Variants in HSD17B12 observed in about 807,000 individuals in gnomAD.
HSD17B12 encodes the protein very-long-chain 3-oxoacyl-CoA reductase.
HSD17B12 carries 32 observed loss-of-function variants against 39.3 expected under a neutral mutation model. The observed-to-expected ratio is 0.81, with a 90% CI of 0.61 to 1.09. HSD17B12 has a LOEUF of 1.09. Among genes scored for constraint, HSD17B12 ranks in the 50% least tolerant of loss-of-function variants. The pLI, the probability that HSD17B12 is intolerant of heterozygous loss-of-function variation, is 0.00. For missense variants in HSD17B12, 342 were observed against 382.9 expected (o/e 0.89, Z 0.89); for synonymous variants, 150 against 146.7 (o/e 1.02, Z -0.16).
At chr11:43,638,432 A>C in the HSD17B12 span, among the ~76,000 whole-genome samples, 1 of 149,092 alleles carries the variant, frequency 6.7e-6, no homozygotes, top group East Asian at 1.9e-4. Context: ...TAATTAAAAG[A>C]GGAAGGGAAA....
the HSD17B12 span, among the ~76,000 whole-genome samples, chr11:43,585,465 A>T: frequency 7.2e-5 from 11 of 152,236 alleles, no homozygotes; most frequent in Admixed American, 7.2e-4. Context: ...CTCGAGGCTT[A>T]TGGCAGAATA....
upstream of HSD17B12, among the ~76,000 whole-genome samples, chr11:43,679,665 A>C (rs901087615): frequency 2.6e-5 from 4 of 152,214 alleles, no homozygotes; most frequent in African/African-American, 7.2e-5. Flanking sequence ...AAGACAAATT[A>C]AAAGATATAG....
chr11:43,589,483 A>G, the HSD17B12 span, among the ~76,000 whole-genome samples: 2 of 152,330 alleles, frequency 1.3e-5, no homozygotes, highest in African/African-American at 4.8e-5. Flanking sequence ...GAAGGAAAAA[A>G]TATTTTTGTT....
intron 3 of HSD17B12, among the ~76,000 whole-genome samples, chr11:43,793,634 C>A (rs1950889561): frequency 6.6e-6 from 1 of 152,318 alleles, no homozygotes; most frequent in South Asian, 2.1e-4. Context: ...TATCACCTTT[C>A]TTGGCTTGTA....
chr11:43,651,080 A>C, the HSD17B12 span, among the ~76,000 whole-genome samples: 2 of 152,228 alleles, frequency 1.3e-5, no homozygotes, highest in African/African-American at 2.4e-5. Context: ...TCTACCATGC[A>C]TAATGTTTGA....
chr11:43,788,685 CAAA>C (rs57970272), intron 3 of HSD17B12, among the ~76,000 whole-genome samples: 26 of 100,908 alleles, frequency 2.6e-4, no homozygotes, highest in African/African-American at 1.1e-3. Context: ...TTTCCTTCCT[CAAA>C]AAAAAAAAAA....
chr11:43,748,629 AAAAC>A (rs1565074047), intron 1 of HSD17B12, among the ~76,000 whole-genome samples: 2 of 152,310 alleles, frequency 1.3e-5, no homozygotes, highest in African/African-American at 2.4e-5. Flanking sequence ...TAAAAAAACA[AAAAC>A]AAAAGTTATG....
At chr11:43,684,807 A>C (rs1251317681) in intron 1 of HSD17B12, among the ~76,000 whole-genome samples, 1 of 152,140 alleles carries the variant, frequency 6.6e-6, no homozygotes, top group Non-Finnish European at 1.5e-5. Flanking sequence ...ATTTCAGAAC[A>C]TTTTCATCTT....
chr11:43,667,904 G>A, the HSD17B12 span, among the ~76,000 whole-genome samples: 9 of 152,042 alleles, frequency 5.9e-5, no homozygotes, highest in African/African-American at 2.2e-4. Context: ...AAGACAAACA[G>A]GTCTTTATGA....
chr11:43,693,201 T>C (rs1257846513), intron 1 of HSD17B12, among the ~76,000 whole-genome samples: 1 of 152,164 alleles, frequency 6.6e-6, no homozygotes, highest in Non-Finnish European at 1.5e-5. Context: ...CTGTGGTAGA[T>C]TGATTAAAAG....
chr11:43,565,940 TC>T, the HSD17B12 span, among the ~76,000 whole-genome samples: 2 of 152,216 alleles, frequency 1.3e-5, 1 homozygote, highest in South Asian at 4.1e-4. Flanking sequence ...CTGCTCAGTT[TC>T]CCCTGACCCT....
the HSD17B12 span, among the ~76,000 whole-genome samples, chr11:43,611,219 TAAC>T: frequency 4.6e-5 from 7 of 152,186 alleles, no homozygotes; most frequent in Non-Finnish European, 8.8e-5. Flanking sequence ...TAAAAAGGTA[TAAC>T]AACAACAAAA....
chr11:43,576,099 A>C, the HSD17B12 span, among the ~76,000 whole-genome samples: 2 of 152,150 alleles, frequency 1.3e-5, no homozygotes, highest in Non-Finnish European at 2.9e-5. Context: ...TGATCAATGG[A>C]GACATGCAGC....
At chr11:43,559,607 C>A in the HSD17B12 span, 4 of 155,918 alleles carry the variant, frequency 2.6e-5, no homozygotes, top group African/African-American at 9.6e-5. Context: ...AACAGACCTT[C>A]TTCCTCTCTG....
At chr11:43,745,866 G>T (rs1285884442) in intron 1 of HSD17B12, among the ~76,000 whole-genome samples, 2 of 151,996 alleles carry the variant, frequency 1.3e-5, no homozygotes, top group East Asian at 3.9e-4. Context: ...AAAAAAAAAG[G>T]TTGGTCAGGT....
At chr11:43,608,838 C>T in the HSD17B12 span, among the ~76,000 whole-genome samples, 4 of 152,162 alleles carry the variant, frequency 2.6e-5, no homozygotes, top group Non-Finnish European at 5.9e-5. Flanking sequence ...CTTCGAAGGC[C>T]TCCAAATGGG....
chr11:43,672,809 A>G, the HSD17B12 span, among the ~76,000 whole-genome samples: 38 of 152,112 alleles, frequency 2.5e-4, 1 homozygote, highest in Admixed American at 1.7e-3. Flanking sequence ...CCAAAGTGCT[A>G]GGATTACAGG....
At chr11:43,601,298 T>C in the HSD17B12 span, among the ~76,000 whole-genome samples, 1 of 152,074 alleles carries the variant, frequency 6.6e-6, no homozygotes, top group African/African-American at 2.4e-5. Flanking sequence ...GTTGTTTCTG[T>C]GTCTTTTGCA....
At chr11:43,741,637 A>G (rs1021370973) in intron 1 of HSD17B12, among the ~76,000 whole-genome samples, 5 of 152,052 alleles carry the variant, frequency 3.3e-5, no homozygotes, top group Non-Finnish European at 7.4e-5. Flanking sequence ...GACTCCCCAG[A>G]CAATATAGTT....
Sources: allele counts gnomAD v4.1 joint callset (sites outside exome capture counted in the v4.1 genomes callset), GRCh38; gene constraint gnomAD v4.1.1; transcripts MANE v1.5; gene names NCBI Gene and HGNC (gene_info 2026-07-23, HGNC 2026-07-21).